Variants in RBBP4 observed in about 807,000 individuals in gnomAD.
The protein encoded by RBBP4 is RB binding protein 4, chromatin remodeling factor.
A neutral mutation model predicts 57.2 loss-of-function variants in RBBP4; 3 were observed. The ratio of observed to expected loss-of-function variants is 0.05; its 90% confidence interval spans 0.02 to 0.14. The LOEUF (loss-of-function observed/expected upper bound fraction) is 0.14, where lower values mean the gene tolerates loss of function less well. Ranked by LOEUF, RBBP4 falls within the 10% of genes least tolerant of loss-of-function variation. The pLI, the probability that RBBP4 is intolerant of heterozygous loss-of-function variation, is 1.00. For synonymous variants in RBBP4, 151 were observed against 171.5 expected, an observed-to-expected ratio of 0.88 and a Z score of 0.93; for missense variants, 107 against 520.6, an observed-to-expected ratio of 0.21 and a Z score of 7.73.
rs1349949112 is a variant in RBBP4 at position 32,683,286 on chromosome 1, GAGTA to G, written c.*3585_*3588del. 2.1e-5 allele frequency: 3 copies of G among 146,196 alleles called. No homozygotes were observed. Among genetic ancestry groups the G allele is most frequent in the African/African-American group, 7.6e-5 (3 of 39,612 alleles). 9.1% of individuals were successfully genotyped at this position (146,196 alleles called of 1,614,324 possible). On this transcript the variant is annotated 3_prime_UTR_variant, in exon 12 of 12. Coordinates refer to ENST00000373493, the MANE Select transcript of RBBP4 (RefSeq NM_005610.3). ...TCTCAAAAAAAAAAAAAAAAAAAAA[GAGTA>G]AGTCTGTGTAACATGAACATCTCTG...
Position 32,668,277 on chromosome 1 carries a change from C to A in RBBP4, c.363C>A (p.Ile121=). 6 of 1,612,834 alleles carry A rather than the reference C, an allele frequency of 3.7e-6. No homozygotes were observed. Among genetic ancestry groups the A allele is most frequent in the Non-Finnish European group, 5.1e-6 (6 of 1,179,134 alleles). Reference sequence around the variant, plus strand: ...GAAAAATTGAAATAGAAATCAAGATCAACCATGAAGGAGAAGTAAACAGGG... The same window carrying A: ...GAAAAATTGAAATAGAAATCAAGATAAACCATGAAGGAGAAGTAAACAGGG... ...VSGKIEIEIK[I]NHEGEVNRAR... Residue 121 remains isoleucine, a synonymous_variant, in exon 4 of 12, where the codon ATC becomes ATA. Coordinates refer to ENST00000373493, the MANE Select transcript of RBBP4 (RefSeq NM_005610.3).
Position 32,672,687 on chromosome 1 carries a change from A to G in RBBP4, c.1089A>G (p.Pro363=). The stretch of plus-strand genomic sequence containing the variant: ...CCCCAGAAGATGCAGAAGACGGGCC[A>G]CCAGAGTTGTTGGTATGTTAAAAGC... ...EQSPEDAEDG[P]PELLFIHGGH... Residue 363 remains proline, a synonymous_variant, in exon 10 of 12, where the codon CCA becomes CCG. Transcript: ENST00000373493. 6.2e-7 allele frequency: 1 copy of G among 1,613,984 alleles called. No individual in the cohort carries two copies. Among genetic ancestry groups the G allele is most frequent in the Non-Finnish European group, 8.5e-7 (1 of 1,179,828 alleles).
At position 32,669,381 on chromosome 1, in the gene RBBP4, A is replaced by G; in HGVS notation, c.888+24A>G. 6.3e-7 allele frequency: 1 copy of G among 1,582,288 alleles called. No homozygotes were observed. Among genetic ancestry groups the G allele is most frequent in the Non-Finnish European group, 8.5e-7 (1 of 1,170,364 alleles). On this transcript the variant is annotated intron_variant, in intron 7 of 11. Coordinates refer to ENST00000373493, the MANE Select transcript of RBBP4 (RefSeq NM_005610.3). The surrounding 1 kb of genome is among the most constrained non-coding windows in gnomAD (Gnocchi z 4.9). ...AGGTCAGTTTCGTTTATTTTAATAG[A>G]AAACATAATTTCTCTAGGTTTTTTT... is the stretch of plus-strand genomic sequence containing the variant.
chr1:32,653,072 C>T (rs898649106), intron 2 of RBBP4, among the ~76,000 whole-genome samples: 6 of 152,110 alleles, frequency 3.9e-5, no homozygotes, highest in East Asian at 1.9e-4. Context: ...ATGTTTCTTA[C>T]GTGTAGGTAG....
At position 32,651,300 on chromosome 1, in the gene RBBP4, GCC is replaced by G. The variant is rs934207132; in HGVS notation, c.-5_-4del. The G allele has an allele frequency of 8.8e-6, 13 of 1,474,224 alleles. No homozygotes were observed. In the Admixed American group the frequency reaches 3.3e-4, roughly 38 times the overall value. 91.3% of individuals were successfully genotyped at this position (1,474,224 alleles called of 1,614,324 possible). ...ACCCCAGGATTCCCCCGGCTCGCCT[GCC>G]CGCCATGGCCGACAAGGAAGGTGAG... On this transcript the variant is annotated 5_prime_UTR_variant, in exon 1 of 12. Coordinates refer to ENST00000373493, the MANE Select transcript of RBBP4 (RefSeq NM_005610.3).
At chr1:32,673,450 T>C in intron 11 of RBBP4, 1 of 432,720 alleles carries the variant, frequency 2.3e-6, no homozygotes, top group African/African-American at 2.1e-5. Context: ...CTCTTTTTTT[T>C]TTTTTGAGAT....
chr1:32,663,999 C>T (rs6425799), intron 3 of RBBP4, among the ~76,000 whole-genome samples: 146,693 of 150,786 alleles, frequency 0.97, 71,482 homozygotes, highest in East Asian at 1. Flanking sequence ...CGATCTCGGC[C>T]CACTGCAAGC....
At position 32,661,302 on chromosome 1, in the gene RBBP4, C is replaced by CTTTT. The variant is rs4011923; in HGVS notation, c.310+3742_310+3745dup. Among the ~76,000 whole-genome samples, 10 of 137,430 alleles carry CTTTT rather than the reference C, an allele frequency of 7.3e-5. 2 individuals carry two copies. The highest frequency in any genetic ancestry group is 2.0e-4 in the East Asian group (1 of 4,942). 90.2% of individuals were successfully genotyped at this position (137,430 alleles called of 152,430 possible). A position where few individuals can be genotyped will look rare whatever the true frequency, so the allele number is the denominator to read the frequency against. On this transcript the variant is annotated intron_variant, in intron 3 of 11. Coordinates refer to ENST00000373493, the MANE Select transcript of RBBP4 (RefSeq NM_005610.3). ...TGAATGGTAGTTCTATTTTTAGTTC[C>CTTTT]TTTTTTTTTTTTTTTGAGATGGAGT...
intron 3 of RBBP4, among the ~76,000 whole-genome samples, chr1:32,665,611 G>C (rs1472736202): frequency 2.0e-5 from 3 of 150,438 alleles, no homozygotes; most frequent in African/African-American, 7.3e-5. Context: ...CCAGGAGGCA[G>C]AGGTTGCAGT....
Position 32,653,655 on chromosome 1 carries a change from TTTTTGTTTTTG to T in RBBP4, c.164+1599_164+1609del, listed in dbSNP as rs1648002313. Reference sequence around the variant, plus strand: ...TTTTCTGGTTTTTTTTTTTTTTTTTTTTTTGTTTTTGTTTTTTTTTTTGAGACGGAGTCTCC... The same window carrying T: ...TTTTCTGGTTTTTTTTTTTTTTTTTTTTTTTTTTTTTGAGACGGAGTCTCC... On this transcript the variant is annotated intron_variant, in intron 2 of 11. Coordinates refer to ENST00000373493, the MANE Select transcript of RBBP4 (RefSeq NM_005610.3). 1.3e-3 allele frequency among the ~76,000 whole-genome samples: 67 copies of T among 50,278 alleles called. 4 individuals carry two copies. Among genetic ancestry groups the T allele is most frequent in the African/African-American group, 4.8e-3 (53 of 11,130 alleles). The allele number at this position is 50,278 out of a possible 152,430, so 33.0% of individuals were successfully genotyped here. A position where few individuals can be genotyped will look rare whatever the true frequency, so the allele number is the denominator to read the frequency against.
Position 32,680,074 on chromosome 1 carries a change from C to G in RBBP4, c.*369C>G, listed in dbSNP as rs1649327613. 9.3e-7 allele frequency: 1 copy of G among 1,072,048 alleles called. No individual in the cohort carries two copies. Among genetic ancestry groups the G allele is most frequent in the African/African-American group, 1.7e-5 (1 of 59,566 alleles). The allele number at this position is 1,072,048 out of a possible 1,614,324, so 66.4% of individuals were successfully genotyped here. A position where few individuals can be genotyped will look rare whatever the true frequency, so the allele number is the denominator to read the frequency against. ...GAATAGAGCCAAATGAGGTAGGTGT[C>G]TGAGCCATGAAGTATAAATACTGAA... On this transcript the variant is annotated 3_prime_UTR_variant, in exon 12 of 12. Transcript: ENST00000373493.
intron 2 of RBBP4, among the ~76,000 whole-genome samples, chr1:32,653,950 G>A (rs1210269018): frequency 2.0e-5 from 3 of 151,956 alleles, no homozygotes; most frequent in Non-Finnish European, 4.4e-5. Flanking sequence ...GAGCCACCGC[G>A]CCCGGCCTAG....
chr1:32,677,491 A>AC (rs796501720), intron 11 of RBBP4, among the ~76,000 whole-genome samples: 7 of 150,232 alleles, frequency 4.7e-5, no homozygotes, highest in East Asian at 4.4e-4. Flanking sequence ...ACAAAACAAA[A>AC]AACAAACAAA....
rs1316882406 is a variant in RBBP4 at position 32,684,908 on chromosome 1, A to G, written c.*5203A>G. On this transcript the variant is annotated 3_prime_UTR_variant, in exon 12 of 12. Coordinates refer to ENST00000373493, the MANE Select transcript of RBBP4 (RefSeq NM_005610.3). ...GTTTAAGGAAAAGTTTTTGTGTCCA[A>G]AGCTCCTTAAAGTCAGAGAGATTTC... is the stretch of plus-strand genomic sequence containing the variant. 1 of 153,396 alleles carries G rather than the reference A, an allele frequency of 6.5e-6. No individual in the cohort carries two copies. Among genetic ancestry groups the G allele is most frequent in the Non-Finnish European group, 1.5e-5 (1 of 68,878 alleles). The allele number at this position is 153,396 out of a possible 1,614,324, so 9.5% of individuals were successfully genotyped here.
rs148591299 is a variant in RBBP4, at chr1:32,683,736, G to A, written c.*4031G>A. 2.6e-3 allele frequency: 877 copies of A among 339,860 alleles called. 4 individuals are homozygous for A. The highest frequency in any genetic ancestry group is 8.2e-3 in the Middle Eastern group (9 of 1,092). The allele number at this position is 339,860 out of a possible 1,614,324, so 21.1% of individuals were successfully genotyped here. On this transcript the variant is annotated 3_prime_UTR_variant, in exon 12 of 12. Coordinates refer to ENST00000373493, the MANE Select transcript of RBBP4 (RefSeq NM_005610.3). The stretch of plus-strand genomic sequence containing the variant: ...GCAACCTCTGCCTCCTGGTTCAAGC[G>A]ATTCTCCTGCCTTGGCCTCCTGAGT...
Position 32,669,159 on chromosome 1 carries a change from A to G in RBBP4, c.761+27A>G, listed in dbSNP as rs1304822389. ...TGAGTAGAATCCATTCAGAGTTTCT[A>G]AATATCTTGTCTAAGTTTTATGTTT... On this transcript the variant is annotated intron_variant, in intron 6 of 11. Coordinates refer to ENST00000373493, the MANE Select transcript of RBBP4 (RefSeq NM_005610.3). This position sits in a 1 kb window ranked among gnomAD's most constrained non-coding sequence, Gnocchi z 4.9. 4 of 1,612,758 alleles carry G rather than the reference A, an allele frequency of 2.5e-6. No homozygotes were observed. In the Admixed American group the frequency reaches 5.0e-5, roughly 20 times the overall value.
intron 2 of RBBP4, among the ~76,000 whole-genome samples, chr1:32,655,107 G>A (rs1031868690): frequency 6.6e-6 from 1 of 152,080 alleles, no homozygotes; most frequent in Non-Finnish European, 1.5e-5. Flanking sequence ...TCCTGCCTCA[G>A]CCTCTGGAAT....
At chr1:32,652,321 G>A (rs1230006517) in intron 2 of RBBP4, 1 of 378,636 alleles carries the variant, frequency 2.6e-6, no homozygotes, top group Non-Finnish European at 4.8e-6. Flanking sequence ...AATAATAGTG[G>A]CTGTACCAAA....
chr1:32,657,581 C>G lies in RBBP4; in HGVS notation c.310+9C>G, dbSNP rs751152406. The G allele has an allele frequency of 6.2e-7, 1 of 1,612,582 alleles. No homozygotes were observed. The highest frequency in any genetic ancestry group is 1.1e-5 in the South Asian group (1 of 90,884). ...CGACAGTGAGAAAGGAGGTAGGAAT[C>G]TTAAAGGTGAAAGAAGTAAAGATGT... is the stretch of plus-strand genomic sequence containing the variant. On this transcript the variant is annotated intron_variant, in intron 3 of 11. Coordinates refer to ENST00000373493, the MANE Select transcript of RBBP4 (RefSeq NM_005610.3).
Sources: allele counts gnomAD v4.1 joint callset (sites outside exome capture counted in the v4.1 genomes callset), GRCh38; gene constraint gnomAD v4.1.1; non-coding constraint Gnocchi (gnomAD v3.1); transcripts MANE v1.5; gene names NCBI Gene and HGNC (gene_info 2026-07-23, HGNC 2026-07-21).